MICU2: variants seen among roughly 807,000 people sequenced by gnomAD.
MICU2 encodes mitochondrial calcium uptake 2.
Under a neutral mutation model 60.4 loss-of-function variants are expected in MICU2, and 64 were observed. The ratio of observed to expected loss-of-function variants is 1.06; its 90% CI spans 0.87 to 1.31. The LOEUF is 1.31. Ranked by LOEUF, MICU2 falls within the 50% of genes most tolerant of loss-of-function variation. The probability of loss-of-function intolerance (pLI) is 0.00; values close to 1 mark genes in which losing one functional copy is unlikely to be tolerated. For synonymous variants in MICU2, 201 were observed against 175.0 expected (o/e 1.15, Z -1.17); for missense variants, 569 against 531.0 (o/e 1.07, Z -0.70).
chr13:21,510,956 C>T (rs1313927186), intron 7 of MICU2, among the ~76,000 whole-genome samples: 1 of 152,116 alleles, frequency 6.6e-6, no homozygotes, highest in Non-Finnish European at 1.5e-5. Context: ...TCAGCAAGCT[C>T]CTCTCTGGAG....
intron 6 of MICU2, among the ~76,000 whole-genome samples, chr13:21,518,038 C>CA (rs1294473858): frequency 3.9e-5 from 6 of 152,040 alleles, no homozygotes; most frequent in Admixed American, 2.0e-4. Flanking sequence ...TACTTAAAAA[C>CA]AAAATCAATG....
At chr13:21,519,092 T>C (rs11617739) in intron 6 of MICU2, among the ~76,000 whole-genome samples, 2 of 152,184 alleles carry the variant, frequency 1.3e-5, no homozygotes, top group Non-Finnish European at 2.9e-5. Context: ...TTATTTTTTT[T>C]GAGACAGAGT....
At chr13:21,598,893 C>T (rs184781599) in intron 1 of MICU2, among the ~76,000 whole-genome samples, 110 of 152,166 alleles carry the variant, frequency 7.2e-4, no homozygotes, top group Admixed American at 1.5e-3. Flanking sequence ...GGTCCCTAAC[C>T]CATGGGCCAT....
intron 1 of MICU2, among the ~76,000 whole-genome samples, chr13:21,602,523 A>AC (rs1555278073): frequency 7.2e-5 from 11 of 152,140 alleles, no homozygotes; most frequent in Non-Finnish European, 1.5e-4. Context: ...CTCCTCTCAA[A>AC]AAAAACAAAA....
intron 6 of MICU2, among the ~76,000 whole-genome samples, chr13:21,517,770 GACACACACAC>G (rs374373614): frequency 6.9e-5 from 10 of 144,606 alleles, no homozygotes; most frequent in African/African-American, 1.5e-4. Context: ...ACAGAGCGAG[GACACACACAC>G]ACACACACAC....
intron 1 of MICU2, among the ~76,000 whole-genome samples, chr13:21,574,944 G>A (rs1888188984): frequency 6.6e-6 from 1 of 152,166 alleles, no homozygotes; most frequent in Non-Finnish European, 1.5e-5. Flanking sequence ...AATATTCACT[G>A]CATAAGCTAT....
chr13:21,522,807 C>A (rs970545055), intron 4 of MICU2, among the ~76,000 whole-genome samples, 157 bp from the exon 5 acceptor site: 2 of 152,066 alleles, frequency 1.3e-5, no homozygotes, highest in Non-Finnish European at 2.9e-5. Flanking sequence ...GAAGTAGAGG[C>A]CTAATACTTA....
chr13:21,511,480 A>C (rs939638633), intron 7 of MICU2, among the ~76,000 whole-genome samples: 2 of 152,204 alleles, frequency 1.3e-5, no homozygotes, highest in South Asian at 4.1e-4. Flanking sequence ...TTTAAAGAAA[A>C]TAACTTTTTA....
At chr13:21,527,931 T>C (rs1361006414) in intron 4 of MICU2, among the ~76,000 whole-genome samples, 1 of 152,216 alleles carries the variant, frequency 6.6e-6, no homozygotes, top group Non-Finnish European at 1.5e-5. Flanking sequence ...TCTAGAAATA[T>C]TAAGATGGAA....
At chr13:21,502,680 A>G (rs1233646709) in intron 9 of MICU2, 2 of 357,468 alleles carry the variant, frequency 5.6e-6, no homozygotes, top group Admixed American at 4.9e-5. Context: ...GTGATATTAA[A>G]TAACAGTAGT....
intron 6 of MICU2, among the ~76,000 whole-genome samples, chr13:21,518,491 G>A (rs184069027): frequency 2.0e-5 from 3 of 152,126 alleles, no homozygotes; most frequent in Admixed American, 6.5e-5. Flanking sequence ...TTATAAAATC[G>A]CCTCCAGCTT....
At chr13:21,566,034 C>T (rs1390894984) in intron 2 of MICU2, among the ~76,000 whole-genome samples, 1 of 152,180 alleles carries the variant, frequency 6.6e-6, no homozygotes, top group Non-Finnish European at 1.5e-5. Flanking sequence ...TTCCAGTGAT[C>T]ACTGAATTTA....
intron 6 of MICU2, 114 bp downstream of exon 6, chr13:21,521,131 T>A (rs1430492609): frequency 9.6e-6 from 8 of 835,228 alleles, no homozygotes; most frequent in Admixed American, 3.0e-5. Flanking sequence ...AATAATTTCC[T>A]GATAGTTCAT....
At chr13:21,540,814 A>G (rs971264854) in intron 2 of MICU2, among the ~76,000 whole-genome samples, 4 of 152,138 alleles carry the variant, frequency 2.6e-5, no homozygotes, top group Non-Finnish European at 5.9e-5. Context: ...CAAATAGATA[A>G]AAATTACCAT....
chr13:21,587,558 C>T (rs1273490249), intron 1 of MICU2, among the ~76,000 whole-genome samples: 1 of 152,160 alleles, frequency 6.6e-6, no homozygotes, highest in Admixed American at 6.5e-5. Context: ...AGCCACTACT[C>T]AATGATAGGT....
chr13:21,585,197 T>C (rs1438621485), intron 1 of MICU2, among the ~76,000 whole-genome samples: 1 of 152,254 alleles, frequency 6.6e-6, no homozygotes, highest in Non-Finnish European at 1.5e-5. Context: ...TTTCATAATC[T>C]AGCCATTTAC....
At chr13:21,512,878 GAATT>G (rs1049098087) in intron 7 of MICU2, among the ~76,000 whole-genome samples, 18 of 151,980 alleles carry the variant, frequency 1.2e-4, no homozygotes, top group African/African-American at 4.1e-4. Context: ...ACATCTACTT[GAATT>G]AATTTTTATA....
chr13:21,520,365 A>G (rs1313242274), intron 6 of MICU2, among the ~76,000 whole-genome samples: 1 of 152,190 alleles, frequency 6.6e-6, no homozygotes, highest in Non-Finnish European at 1.5e-5. Context: ...AGAATCTGCC[A>G]ATTTTGTTTT....
Position 21,539,360 on chromosome 13 carries a change from C to G in MICU2, c.408G>C (p.Leu136=). Residue 136 remains leucine, a synonymous_variant, in exon 4 of 12, where the codon CTG becomes CTC. Coordinates refer to ENST00000382374, the MANE Select transcript of MICU2 (RefSeq NM_152726.3). ...KLTKKDIEDT[L]SGIQTAGCGS... The stretch of plus-strand genomic sequence containing the variant: ...CACAGCCAGCTGTTTGGATCCCTGA[C>G]AGTGTATCCTCGATGTCCTTTGAAT... 5 of 1,614,012 alleles carry G rather than the reference C, an allele frequency of 3.1e-6. No individual in the cohort carries two copies. Among genetic ancestry groups the G allele is most frequent in the Non-Finnish European group, 4.2e-6 (5 of 1,179,928 alleles).
Sources: gnomAD v4.1 joint callset for allele counts (sites outside exome capture counted in the v4.1 genomes callset) on GRCh38, gnomAD v4.1.1 for gene constraint, MANE v1.5 for transcripts, NCBI Gene and HGNC (gene_info 2026-07-23, HGNC 2026-07-21) for gene names.